Variants in BCAS1 observed in about 807,000 individuals in gnomAD.
BCAS1 encodes the protein brain enriched myelin associated protein 1.
A neutral mutation model predicts 65.4 loss-of-function variants in BCAS1; 46 were observed. The observed-to-expected ratio is 0.70, with a 90% CI of 0.55 to 0.90. The LOEUF (loss-of-function observed/expected upper bound fraction) is 0.90, where lower values mean the gene tolerates loss of function less well. BCAS1 is among the 40% of genes least tolerant of loss of function. BCAS1 has a pLI of 0.00. For synonymous variants in BCAS1, 298 were observed against 293.5 expected (o/e 1.02, Z -0.16); for missense variants, 793 against 771.2 (o/e 1.03, Z -0.33).
intron 7 of BCAS1, among the ~76,000 whole-genome samples, chr20:53,990,790 T>C (rs1429112810): frequency 6.6e-6 from 1 of 152,198 alleles, no homozygotes; most frequent in African/African-American, 2.4e-5. Context: ...ATTCAGAACA[T>C]TTGGGAGGTG....
chr20:53,973,979 T>C (rs1325080834), intron 9 of BCAS1, among the ~76,000 whole-genome samples: 2 of 152,158 alleles, frequency 1.3e-5, no homozygotes, highest in Non-Finnish European at 2.9e-5. Context: ...CAGTGCTCTG[T>C]GTCTAGCTAA....
Position 53,975,440 on chromosome 20 carries a change from G to A in BCAS1, c.1276-10C>T. The stretch of plus-strand genomic sequence containing the variant: ...AGTCCTCTTTAACTGACTAAAGGAA[G>A]ATAAAAACAAAAGTGAGAGTTAAAA... On this transcript the variant is annotated splice_polypyrimidine_tract_variant and intron_variant, in intron 8 of 12. Transcript: ENST00000688948. The A allele has an allele frequency of 6.2e-7, 1 of 1,610,562 alleles. No homozygotes were observed. Among genetic ancestry groups the A allele is most frequent in the Non-Finnish European group, 8.5e-7 (1 of 1,177,690 alleles).
chr20:54,064,129 C>T (rs1171058808), intron 1 of BCAS1, among the ~76,000 whole-genome samples: 2 of 152,200 alleles, frequency 1.3e-5, no homozygotes, highest in African/African-American at 4.8e-5. Context: ...GGCCCATGCC[C>T]AGACTGGGCT....
At chr20:54,002,246 CT>C (rs1425390550) in intron 4 of BCAS1, among the ~76,000 whole-genome samples, 2 of 152,232 alleles carry the variant, frequency 1.3e-5, no homozygotes, top group South Asian at 2.1e-4. Flanking sequence ...TTCCTCCCCC[CT>C]AGGCTATGGG....
At chr20:53,950,438 C>G (rs36064427) in intron 12 of BCAS1, among the ~76,000 whole-genome samples, 1 of 150,756 alleles carries the variant, frequency 6.6e-6, no homozygotes, top group Non-Finnish European at 1.5e-5. Context: ...TAGCACACCC[C>G]GCCCCCAGAC....
At chr20:53,973,721 A>G (rs1415599839) in intron 9 of BCAS1, among the ~76,000 whole-genome samples, 1 of 152,222 alleles carries the variant, frequency 6.6e-6, no homozygotes, top group East Asian at 1.9e-4. Context: ...GACTTTCTAT[A>G]AAATAGTAAT....
chr20:53,968,875 G>A (rs1182512885), intron 9 of BCAS1, among the ~76,000 whole-genome samples: 1 of 152,210 alleles, frequency 6.6e-6, no homozygotes, highest in Non-Finnish European at 1.5e-5. Context: ...TCTGCTGCTG[G>A]GCTGTTGGCT....
At position 53,992,635 on chromosome 20, in the gene BCAS1, T is replaced by G. The variant is rs749535318; in HGVS notation, c.939A>C (p.Ala313=). The G allele has an allele frequency of 7.3e-7, 1 of 1,366,160 alleles. No individual in the cohort carries two copies. The highest frequency in any genetic ancestry group is 1.1e-5 in the South Asian group (1 of 88,016). The allele number at this position is 1,366,160 out of a possible 1,614,324, so 84.6% of individuals were successfully genotyped here. A position where few individuals can be genotyped will look rare whatever the true frequency, so the allele number is the denominator to read the frequency against. The change falls in exon 7 of 13, where the codon GCA becomes GCC. Residue 313 remains alanine (A), a synonymous_variant. Transcript: ENST00000688948. ...KKDPEDTASK[A]ESVCDGQAGQ... ...CAGCTTGTCCATCACAGACACTTTC[T>G]GCTTTCGATGCCTTTGGGGCAACAG...
At chr20:54,058,517 C>T in intron 2 of BCAS1, 130 bp downstream of exon 2, 2 of 1,453,720 alleles carry the variant, frequency 1.4e-6, no homozygotes. Context: ...ATCCTCGCTC[C>T]ACTGTCTTGC....
chr20:54,020,145 G>C (rs1294577769), intron 4 of BCAS1, among the ~76,000 whole-genome samples: 2 of 152,170 alleles, frequency 1.3e-5, no homozygotes, highest in African/African-American at 4.8e-5. Flanking sequence ...CAGTGGTTAA[G>C]TGTGTGGGCA....
chr20:54,038,004 T>C (rs143172586), intron 3 of BCAS1, among the ~76,000 whole-genome samples: 2 of 151,432 alleles, frequency 1.3e-5, no homozygotes, highest in African/African-American at 4.8e-5. Flanking sequence ...GTTATGTCAT[T>C]CATTTGCATA....
At chr20:53,970,649 GA>G (rs1164226434) in intron 9 of BCAS1, among the ~76,000 whole-genome samples, 6 of 152,308 alleles carry the variant, frequency 3.9e-5, no homozygotes, top group African/African-American at 1.4e-4. Flanking sequence ...ATTGCATGAA[GA>G]TGGCAGGTAC....
intron 3 of BCAS1, among the ~76,000 whole-genome samples, chr20:54,043,762 T>C (rs953444129): frequency 9.9e-5 from 15 of 152,168 alleles, no homozygotes; most frequent in African/African-American, 2.9e-4. Flanking sequence ...CTACAGAAAC[T>C]GCACATCTAA....
In BCAS1 at chr20:53,996,193, A is replaced by G. The variant is rs2090904703; in HGVS notation, c.724-143T>C. The stretch of plus-strand genomic sequence containing the variant: ...CACAGGCGTGCAGAACAATCATGAG[A>G]TTATAAGAGTCACTCTTCCTTCCCT... On this transcript the variant is annotated intron_variant, in intron 4 of 12. Coordinates refer to ENST00000688948, the MANE Select transcript of BCAS1 (RefSeq NM_001366298.2). 4 of 763,488 alleles carry G rather than the reference A, an allele frequency of 5.2e-6. No homozygotes were observed. In the South Asian group the frequency reaches 1.1e-4, roughly 21 times the overall value. 47.3% of individuals were successfully genotyped at this position (763,488 alleles called of 1,614,324 possible). A position where few individuals can be genotyped will look rare whatever the true frequency, so the allele number is the denominator to read the frequency against.
At chr20:53,945,087 A>ACATAAAT in intron 12 of BCAS1, 91 bp from the exon 13 acceptor site, 1 of 1,112,836 alleles carries the variant, frequency 9.0e-7, no homozygotes, top group Non-Finnish European at 1.4e-6. Context: ...ACTCTGTGCT[A>ACATAAAT]GGTGTTGGGC....
intron 9 of BCAS1, among the ~76,000 whole-genome samples, chr20:53,973,802 AAGGAAGGAAGGAAGG>A (rs1194811128): frequency 6.6e-6 from 1 of 152,132 alleles, no homozygotes; most frequent in East Asian, 1.9e-4. Flanking sequence ...GAAAGAAAAG[AAGGAAGGAAGGAAGG>A]AGGAAGGAAG....
chr20:53,983,518 C>T (rs1284174730), intron 8 of BCAS1, among the ~76,000 whole-genome samples: 1 of 152,214 alleles, frequency 6.6e-6, no homozygotes, highest in Non-Finnish European at 1.5e-5. Flanking sequence ...CAAACTTTAG[C>T]CACTGGCACA....
At chr20:54,058,828 A>G in intron 1 of BCAS1, 105 bp from the exon 2 acceptor site, 1 of 1,289,594 alleles carries the variant, frequency 7.8e-7, no homozygotes, top group Admixed American at 2.0e-5. Flanking sequence ...TGGCTGTATT[A>G]TCATCAGCTG....
chr20:53,957,873 G>T (rs2089750509), intron 10 of BCAS1, among the ~76,000 whole-genome samples: 1 of 147,024 alleles, frequency 6.8e-6, no homozygotes, highest in Admixed American at 6.9e-5. Context: ...TAGGCTGTGG[G>T]TGTTTTATTG....
Sources: gnomAD v4.1 joint callset for allele counts (sites outside exome capture counted in the v4.1 genomes callset) on GRCh38, gnomAD v4.1.1 for gene constraint, MANE v1.5 for transcripts, NCBI Gene and HGNC (gene_info 2026-07-23, HGNC 2026-07-21) for gene names.